Variants in PLEKHH2 observed in about 807,000 individuals in gnomAD.
PLEKHH2 encodes the protein pleckstrin homology domain-containing family H member 2.
A neutral mutation model predicts 187.9 loss-of-function variants in PLEKHH2; 129 were observed. The ratio of observed to expected loss-of-function variants is 0.69; its 90% CI spans 0.59 to 0.79. The LOEUF is 0.79. Among genes scored for constraint, PLEKHH2 ranks in the 30% least tolerant of loss-of-function variants. The pLI, the probability that PLEKHH2 is intolerant of heterozygous loss-of-function variation, is 0.00. For synonymous variants in PLEKHH2, 686 were observed against 605.6 expected (o/e 1.13, Z -1.95); for missense variants, 2,076 against 1,751.2 (o/e 1.19, Z -3.31).
At position 43,765,860 on chromosome 2, in the gene PLEKHH2, C is replaced by G; in HGVS notation, c.*262C>G. 2.9e-6 allele frequency: 1 copy of G among 350,430 alleles called. No homozygotes were observed. The highest frequency in any genetic ancestry group is 1.2e-4 in the South Asian group (1 of 8,134). 21.7% of individuals were successfully genotyped at this position (350,430 alleles called of 1,614,324 possible). On this transcript the variant is annotated 3_prime_UTR_variant, in exon 30 of 30. Coordinates refer to ENST00000282406, the MANE Select transcript of PLEKHH2 (RefSeq NM_172069.4). ...ATTCATCATTTTTTCCATCTCCCTT[C>G]TCCCTTGTCATCAGACACATTGTGC... is the stretch of plus-strand genomic sequence containing the variant.
rs60819579 is a variant in PLEKHH2 at position 43,707,196 on chromosome 2, C to CAAAAAA, written c.1822-190_1822-185dup. Among the ~76,000 whole-genome samples, 562 of 87,772 alleles carry CAAAAAA rather than the reference C, an allele frequency of 6.4e-3. 10 individuals carry two copies. The highest frequency in any genetic ancestry group is 8.4e-3 in the African/African-American group (179 of 21,372). 57.6% of individuals were successfully genotyped at this position (87,772 alleles called of 152,430 possible). On this transcript the variant is annotated intron_variant, in intron 10 of 29. Transcript: ENST00000282406. ...GGGTGACAAGAGCAAGACTCCACCT[C>CAAAAAA]AAAAAAAAAAAAAAAAAAAATTCTA...
At chr2:43,641,059 C>CT (rs1256177091) in intron 1 of PLEKHH2, among the ~76,000 whole-genome samples, 1 of 150,918 alleles carries the variant, frequency 6.6e-6, no homozygotes, top group African/African-American at 2.4e-5. Flanking sequence ...TCCCAGAGTG[C>CT]TGGGATTATA....
At chr2:43,691,412 T>TA (rs1668786203) in intron 3 of PLEKHH2, among the ~76,000 whole-genome samples, 1 of 152,174 alleles carries the variant, frequency 6.6e-6, no homozygotes, top group Admixed American at 6.5e-5. Flanking sequence ...CAAAAAAGGT[T>TA]AAAGTAAAGA....
intron 23 of PLEKHH2, among the ~76,000 whole-genome samples, chr2:43,744,966 C>T (rs962162894): frequency 6.6e-6 from 1 of 151,760 alleles, no homozygotes; most frequent in African/African-American, 2.4e-5. Flanking sequence ...GAATCTTTTC[C>T]AGATCATAGT....
chr2:43,643,420 C>G (rs1246390942), intron 1 of PLEKHH2, among the ~76,000 whole-genome samples: 1 of 152,020 alleles, frequency 6.6e-6, no homozygotes, highest in Non-Finnish European at 1.5e-5. Flanking sequence ...TTCTAACGTA[C>G]TGAATATTGT....
chr2:43,640,173 T>C (rs1445625414), intron 1 of PLEKHH2, among the ~76,000 whole-genome samples: 2 of 151,918 alleles, frequency 1.3e-5, no homozygotes, highest in Non-Finnish European at 2.9e-5. Context: ...ATACCAAATA[T>C]AAAGTTACTC....
chr2:43,678,849 C>G lies in PLEKHH2; in HGVS notation c.124-14C>G, dbSNP rs1363520850. On this transcript the variant is annotated splice_polypyrimidine_tract_variant and intron_variant, in intron 2 of 29. Coordinates refer to ENST00000282406, the MANE Select transcript of PLEKHH2 (RefSeq NM_172069.4). ...AAATAAATTTTTGTATTTATATTTT[C>G]CCTCACTCTACAGATGCAACAGCTT... The G allele has an allele frequency of 1.3e-6, 2 of 1,566,354 alleles. No homozygotes were observed. Among genetic ancestry groups the G allele is most frequent in the Non-Finnish European group, 1.7e-6 (2 of 1,150,544 alleles).
chr2:43,715,077 AGACCAGCCT>A (rs1670149409), intron 15 of PLEKHH2, among the ~76,000 whole-genome samples: 1 of 152,130 alleles, frequency 6.6e-6, no homozygotes, highest in African/African-American at 2.4e-5. Context: ...CAGAAGTTCG[AGACCAGCCT>A]GACCAACATG....
intron 23 of PLEKHH2, among the ~76,000 whole-genome samples, chr2:43,745,526 C>T (rs572933690): frequency 6.6e-6 from 1 of 152,100 alleles, no homozygotes; most frequent in South Asian, 2.1e-4. Context: ...TTTTTGAACT[C>T]GGAAGGTGAA....
chr2:43,711,657 T>C, intron 14 of PLEKHH2: 1 of 810,348 alleles, frequency 1.2e-6, no homozygotes, highest in Non-Finnish European at 1.5e-6. Context: ...TTCAGGAGGC[T>C]GAGGCAGGCG....
chr2:43,753,639 C>T lies in PLEKHH2; in HGVS notation c.3674C>T (p.Ala1225Val). 6.4e-7 allele frequency: 1 copy of T among 1,550,732 alleles called. No individual in the cohort carries two copies. Among genetic ancestry groups the T allele is most frequent in the Non-Finnish European group, 8.7e-7 (1 of 1,152,332 alleles). The change falls in exon 25 of 30, where the codon GCT becomes GTT. Residue 1225 changes from alanine to valine, a missense_variant. Physicochemically the swap from Ala to Val is moderately conservative, Grantham distance 64. Coordinates refer to ENST00000282406, the MANE Select transcript of PLEKHH2 (RefSeq NM_172069.4). Reference protein sequence around the residue: ...YKNRLYFSVQARGETDREKLL... With the variant: ...YKNRLYFSVQVRGETDREKLL... Reference sequence around the variant, plus strand: ...TACAGACTATATTTCTCAGTGCAAGCTCGTGGAGAGACTGATAGAGAAAAG... The same window carrying T: ...TACAGACTATATTTCTCAGTGCAAGTTCGTGGAGAGACTGATAGAGAAAAG...
At chr2:43,651,607 T>A (rs1056666041) in intron 2 of PLEKHH2, among the ~76,000 whole-genome samples, 2 of 152,176 alleles carry the variant, frequency 1.3e-5, no homozygotes, top group African/African-American at 4.8e-5. Context: ...TTCATATAGT[T>A]CTGTATAACT....
intron 17 of PLEKHH2, among the ~76,000 whole-genome samples, chr2:43,728,817 C>G (rs1028487414): frequency 1.3e-5 from 2 of 152,040 alleles, no homozygotes; most frequent in African/African-American, 4.8e-5. Flanking sequence ...CCGGCTTGGC[C>G]TCTCAAAGTG....
intron 6 of PLEKHH2, among the ~76,000 whole-genome samples, chr2:43,696,944 C>T (rs1258652899): frequency 6.6e-6 from 1 of 152,074 alleles, no homozygotes. Context: ...TTTCTTTCTC[C>T]AGTTAAAAAT....
At chr2:43,687,973 A>T (rs1668607176) in intron 3 of PLEKHH2, among the ~76,000 whole-genome samples, 1 of 151,310 alleles carries the variant, frequency 6.6e-6, no homozygotes, top group African/African-American at 2.4e-5. Flanking sequence ...ATATTTTAGA[A>T]TTTTTTTTGT....
chr2:43,666,048 C>T (rs1464486399), intron 2 of PLEKHH2, among the ~76,000 whole-genome samples: 1 of 149,128 alleles, frequency 6.7e-6, no homozygotes, highest in East Asian at 1.9e-4. Flanking sequence ...CAAGCCTGGG[C>T]AATGGCGGGC....
chr2:43,715,301 A>G (rs1057377525), intron 15 of PLEKHH2, among the ~76,000 whole-genome samples: 2 of 151,944 alleles, frequency 1.3e-5, no homozygotes, highest in East Asian at 1.9e-4. Flanking sequence ...GAAAAAAAAA[A>G]TCTCGAAGCA....
At position 43,748,581 on chromosome 2, in the gene PLEKHH2, G is replaced by T. The variant is rs561522479; in HGVS notation, c.3653+2618G>T. On this transcript the variant is annotated intron_variant, in intron 24 of 29. Coordinates refer to ENST00000282406, the MANE Select transcript of PLEKHH2 (RefSeq NM_172069.4). The stretch of plus-strand genomic sequence containing the variant: ...CTGAGTCAGAATTTCCGGGGGTGGA[G>T]CCCAGGAGTCCCTGTTTTGACAGCT... 1.1e-3 allele frequency among the ~76,000 whole-genome samples: 174 copies of T among 152,316 alleles called. 1 individual carries two copies. The highest frequency in any genetic ancestry group is 4.0e-3 in the African/African-American group (167 of 41,552).
At chr2:43,655,511 T>G (rs1409271689) in intron 2 of PLEKHH2, among the ~76,000 whole-genome samples, 2 of 152,210 alleles carry the variant, frequency 1.3e-5, no homozygotes, top group Non-Finnish European at 2.9e-5. Flanking sequence ...GCTCTTAAAA[T>G]TTAGGTAATT....
Sources: gnomAD v4.1 joint callset for allele counts (sites outside exome capture counted in the v4.1 genomes callset) on GRCh38, gnomAD v4.1.1 for gene constraint, MANE v1.5 for transcripts, NCBI Gene and HGNC (gene_info 2026-07-23, HGNC 2026-07-21) for gene names.